Variants in CSF3R observed in about 807,000 individuals in gnomAD.
CSF3R encodes granulocyte colony-stimulating factor receptor.
Under a neutral mutation model 84.4 loss-of-function variants are expected in CSF3R, and 52 were observed. That is an observed-to-expected ratio of 0.62 (90% CI 0.49 to 0.78). CSF3R has a LOEUF of 0.78. Among genes scored for constraint, CSF3R ranks in the 30% least tolerant of loss-of-function variants. The pLI is 0.00. For missense variants in CSF3R, 890 were observed against 1,055.7 expected (o/e 0.84, Z 2.17); for synonymous variants, 384 against 429.1 (o/e 0.89, Z 1.30).
intron 4 of CSF3R, among the ~76,000 whole-genome samples, chr1:36,474,140 G>T (rs1203748939): frequency 2.0e-5 from 3 of 152,228 alleles, no homozygotes; most frequent in Non-Finnish European, 4.4e-5. Context: ...CCCAACTCTA[G>T]ACCCTTTGTC....
chr1:36,475,020 T>A (rs1353565408), intron 4 of CSF3R, among the ~76,000 whole-genome samples: 2 of 152,030 alleles, frequency 1.3e-5, no homozygotes, highest in Non-Finnish European at 2.9e-5. Flanking sequence ...CTTCTTTTTT[T>A]TGAGACCAAG....
At position 36,469,709 on chromosome 1, in the gene CSF3R, T is replaced by A. The variant is rs780167517; in HGVS notation, c.1417A>T (p.Ser473Cys). 1 of 1,614,162 alleles carries A rather than the reference T, an allele frequency of 6.2e-7. No individual in the cohort carries two copies. Among genetic ancestry groups the A allele is most frequent in the South Asian group, 1.1e-5 (1 of 91,082 alleles). The change falls in exon 11 of 17, where the codon AGC becomes TGC. Residue 473 changes from serine (S) to cysteine (C), a missense_variant. Transcript: ENST00000373106. Reference sequence around the variant, plus strand: ...TGTTCCATCCTCCAGGTCTTGTTGCTATTGCTCGCGCTGGGGGGGCCCAGG... The same window carrying A: ...TGTTCCATCCTCCAGGTCTTGTTGCAATTGCTCGCGCTGGGGGGGCCCAGG... ...WGLGPPSASN[S>C]NKTWRMEQNG...
In CSF3R at chr1:36,468,158, C is replaced by A; in HGVS notation, c.1640G>T (p.Trp547Leu). ...HIGKTWAQLEWVPEPPELGKS... is the reference protein window; with the variant it reads ...HIGKTWAQLELVPEPPELGKS... ...CCCCAGCTCAGGGGGCTCAGGCACCCACTCCAGCTGTGCCCAGGTCTTGCC... is the reference window on the plus strand; with the variant it reads ...CCCCAGCTCAGGGGGCTCAGGCACCAACTCCAGCTGTGCCCAGGTCTTGCC... Residue 547 changes from tryptophan (W) to leucine (L), a missense_variant, in exon 13 of 17, where the codon TGG becomes TTG. Trp to Leu is a moderately conservative substitution (Grantham distance 61). Transcript: ENST00000373106. 6.2e-7 allele frequency: 1 copy of A among 1,613,276 alleles called. No homozygotes were observed. The highest frequency in any genetic ancestry group is 8.5e-7 in the Non-Finnish European group (1 of 1,179,522).
At chr1:36,480,395 G>A (rs901980978) in intron 2 of CSF3R, among the ~76,000 whole-genome samples, 4 of 152,246 alleles carry the variant, frequency 2.6e-5, no homozygotes, top group Admixed American at 2.6e-4. Flanking sequence ...TTTGGGCACA[G>A]ACCTCTGGTG....
chr1:36,467,515 TG>T lies in CSF3R; in HGVS notation c.1958+42del. 6.3e-7 allele frequency: 1 copy of T among 1,586,696 alleles called. No individual in the cohort carries two copies. Among genetic ancestry groups the T allele is most frequent in the East Asian group, 2.2e-5 (1 of 44,598 alleles). On this transcript the variant is annotated intron_variant, in intron 15 of 16. Transcript: ENST00000373106. This position sits in a 1 kb window ranked among gnomAD's most constrained non-coding sequence, Gnocchi z 4.1. The stretch of plus-strand genomic sequence containing the variant: ...GCCCATCTGGACCTGAGGTTCCCTG[TG>T]GGTGGGGGAAGCAGGATCTCAGGTC...
At chr1:36,481,612 G>A (rs1651526428) in intron 1 of CSF3R, 75 bp from the exon 2 acceptor site, 1 of 152,262 alleles carries the variant, frequency 6.6e-6, no homozygotes. Flanking sequence ...TTTTGGTAAA[G>A]GCATTTAGCC....
intron 4 of CSF3R, among the ~76,000 whole-genome samples, chr1:36,475,126 C>G (rs1413962269): frequency 6.6e-6 from 1 of 151,818 alleles, no homozygotes; most frequent in African/African-American, 2.4e-5. Flanking sequence ...TGCCTCAGCC[C>G]CCCGAGTAGC....
Position 36,467,390 on chromosome 1 carries a change from A to G in CSF3R, c.1959-79T>C. ...TTTTTTGTCCCACCCACCCCACCTG[A>G]AGAGGTGCAGCTGCCCTTAGTGCAG... On this transcript the variant is annotated intron_variant, in intron 15 of 16. Coordinates refer to ENST00000373106, the MANE Select transcript of CSF3R (RefSeq NM_000760.4). This position sits in a 1 kb window ranked among gnomAD's most constrained non-coding sequence, Gnocchi z 4.1. 6.7e-7 allele frequency: 1 copy of G among 1,487,692 alleles called. No homozygotes were observed. The highest frequency in any genetic ancestry group is 9.4e-7 in the Non-Finnish European group (1 of 1,065,742). 92.2% of individuals were successfully genotyped at this position (1,487,692 alleles called of 1,614,324 possible). A position where few individuals can be genotyped will look rare whatever the true frequency, so the allele number is the denominator to read the frequency against.
Position 36,472,647 on chromosome 1 carries a change from C to T in CSF3R, c.713G>A (p.Ser238Asn). ...EPPMLRTMDP[S>N]PEAAPPQAGC... ...TGCCTGGGGAGGGGCCGCTTCAGGG[C>T]TGGGGTCCATGGTCCGCAGCATGGG... is the stretch of plus-strand genomic sequence containing the variant. The change falls in exon 7 of 17, where the codon AGC becomes AAC. Residue 238 changes from serine (S) to asparagine (N), a missense_variant. Transcript: ENST00000373106. This position sits in a 1 kb window ranked among gnomAD's most constrained non-coding sequence, Gnocchi z 5.0. 6.2e-7 allele frequency: 1 copy of T among 1,610,306 alleles called. No individual in the cohort carries two copies. Among genetic ancestry groups the T allele is most frequent in the East Asian group, 2.2e-5 (1 of 44,762 alleles).
intron 3 of CSF3R, among the ~76,000 whole-genome samples, chr1:36,477,857 C>T (rs1203670452): frequency 6.6e-6 from 1 of 151,980 alleles, no homozygotes; most frequent in African/African-American, 2.4e-5. Flanking sequence ...CTGCTGGGCT[C>T]ACGCCATTGT....
rs764013908 is a variant in CSF3R at position 36,466,945 on chromosome 1, C to A, written c.2041-118G>T. ...TTCAACTGTTGTTACTGGTGGAACA[C>A]AAAGGGTACCACTTGCAAAGCACTA... On this transcript the variant is annotated intron_variant, in intron 16 of 16. Transcript: ENST00000373106. The surrounding 1 kb of genome is among the most constrained non-coding windows in gnomAD (Gnocchi z 4.6). 6.2e-7 allele frequency: 1 copy of A among 1,610,478 alleles called. No individual in the cohort carries two copies. The highest frequency in any genetic ancestry group is 8.5e-7 in the Non-Finnish European group (1 of 1,179,170).
Position 36,472,092 on chromosome 1 carries a change from G to C in CSF3R, c.1045C>G (p.Pro349Ala). ...TTCCAGAACAGCTGCACTGTCCTGG[G>C]GTCCAGCTGCCTCTGCCGCCACCAT... The part of the protein sequence containing the change: ...DTWWRQRQLD[P>A]RTVQLFWKPV... Residue 349 changes from proline (P) to alanine (A), a missense_variant, in exon 9 of 17, where the codon CCC (proline) becomes GCC (alanine). Coordinates refer to ENST00000373106, the MANE Select transcript of CSF3R (RefSeq NM_000760.4). This position sits in a 1 kb window ranked among gnomAD's most constrained non-coding sequence, Gnocchi z 5.0. The C allele has an allele frequency of 6.2e-7, 1 of 1,613,718 alleles. No homozygotes were observed. Among genetic ancestry groups the C allele is most frequent in the Non-Finnish European group, 8.5e-7 (1 of 1,180,028 alleles).
Position 36,466,495 on chromosome 1 carries a change from C to A in CSF3R, c.2373G>T (p.Trp791Cys). Residue 791 changes from tryptophan (W) to cysteine (C), a missense_variant, in exon 17 of 17, where the codon TGG becomes TGT. By Grantham distance (215) the Trp-to-Cys change is radical. Coordinates refer to ENST00000373106, the MANE Select transcript of CSF3R (RefSeq NM_000760.4). The surrounding 1 kb of genome is among the most constrained non-coding windows in gnomAD (Gnocchi z 4.6). ...GGGTCCCCAAGGGGCTGGCCTGGAA[C>A]CAGAGGTTCTCATAGGACTTGGGGC... ...TPSPKSYENL[W>C]FQASPLGTLV... is the part of the protein sequence containing the mutation. 2.5e-6 allele frequency: 4 copies of A among 1,611,238 alleles called. No homozygotes were observed. The highest frequency in any genetic ancestry group is 3.4e-6 in the Non-Finnish European group (4 of 1,178,608).
At chr1:36,471,668 A>G (rs1383644001) in intron 9 of CSF3R, 22 bp from the exon 10 acceptor site, 1 of 1,611,892 alleles carries the variant, frequency 6.2e-7, no homozygotes. Flanking sequence ...AGGAGGAAAA[A>G]GAGAAGGGGA....
chr1:36,466,759 T>G lies in CSF3R; in HGVS notation c.2109A>C (p.Glu703Asp), dbSNP rs1190019907. 2 of 1,614,186 alleles carry G rather than the reference T, an allele frequency of 1.2e-6. No individual in the cohort carries two copies. Among genetic ancestry groups the G allele is most frequent in the Admixed American group, 1.7e-5 (1 of 60,028 alleles). Residue 703 changes from glutamate (E) to aspartate (D), a missense_variant, in exon 17 of 17, where the codon GAA (glutamate) becomes GAC (aspartate). By Grantham distance (45) the Glu-to-Asp change is conservative. Transcript: ENST00000373106. This position sits in a 1 kb window ranked among gnomAD's most constrained non-coding sequence, Gnocchi z 4.6. ...ITKLTVLEED[E>D]KKPVPWESHN... is the part of the protein sequence containing the mutation. ...GGGACTCCCAGGGCACCGGCTTCTT[T>G]TCATCCTCCTCCAGCACTGTGAGCT...
At position 36,471,654 on chromosome 1, in the gene CSF3R, G is replaced by T. The variant is rs2124119433; in HGVS notation, c.1072-8C>A. On this transcript the variant is annotated splice_region_variant and splice_polypyrimidine_tract_variant and intron_variant, in intron 9 of 16. Transcript: ENST00000373106. ...TTCCTCCAGGGGCACTGGCTGTGGG[G>T]CACAGGAGGAAAAAGAGAAGGGGAT... 1 of 1,613,818 alleles carries T rather than the reference G, an allele frequency of 6.2e-7. No homozygotes were observed. The highest frequency in any genetic ancestry group is 1.7e-5 in the Admixed American group (1 of 60,020).
intron 3 of CSF3R, 89 bp downstream of exon 3, chr1:36,479,344 A>T: frequency 7.8e-7 from 1 of 1,281,692 alleles, no homozygotes; most frequent in Non-Finnish European, 1.1e-6. Flanking sequence ...TGGGAATCCC[A>T]GGAGCCATGT....
At chr1:36,469,464 A>G (rs1256118260) in intron 11 of CSF3R, among the ~76,000 whole-genome samples, 188 bp downstream of exon 11, 4 of 152,216 alleles carry the variant, frequency 2.6e-5, no homozygotes, top group Admixed American at 1.3e-4. Context: ...GGGCTATAGA[A>G]AAAGGATCAG....
At chr1:36,474,718 G>C (rs1651013906) in intron 4 of CSF3R, among the ~76,000 whole-genome samples, 1 of 152,154 alleles carries the variant, frequency 6.6e-6, no homozygotes, top group African/African-American at 2.4e-5. Context: ...TTGAAACTGG[G>C]GTGGGGGACA....
Sources: allele counts gnomAD v4.1 joint callset (sites outside exome capture counted in the v4.1 genomes callset), GRCh38; gene constraint gnomAD v4.1.1; non-coding constraint Gnocchi (gnomAD v3.1); transcripts MANE v1.5; gene names NCBI Gene and HGNC (gene_info 2026-07-23, HGNC 2026-07-21).